CFAP92: variants seen among roughly 807,000 people sequenced by gnomAD.
CFAP92 encodes uncharacterized protein CFAP92.
In CFAP92, 86 loss-of-function variants were observed where a neutral mutation model predicts 106.3. That is an observed-to-expected ratio of 0.81 (90% confidence interval 0.68 to 0.97). The LOEUF (loss-of-function observed/expected upper bound fraction) is 0.97. Ranked by LOEUF, CFAP92 falls within the 50% of genes least tolerant of loss-of-function variation. The pLI, the probability that CFAP92 is intolerant of heterozygous loss-of-function variation, is 0.00. For synonymous variants in CFAP92, 477 were observed against 506.4 expected, an observed-to-expected ratio of 0.94 and a Z score of 0.78; for missense variants, 1,204 against 1,283.8, an observed-to-expected ratio of 0.94 and a Z score of 0.95.
intron 4 of CFAP92, among the ~76,000 whole-genome samples, chr3:128,982,674 G>A (rs1276370371): frequency 1.3e-5 from 2 of 152,180 alleles, no homozygotes; most frequent in African/African-American, 2.4e-5. Context: ...GACTTAAAGG[G>A]AGAGATGTGC....
chr3:129,006,767 T>A (rs914317519), upstream of CFAP92, among the ~76,000 whole-genome samples: 1 of 152,194 alleles, frequency 6.6e-6, no homozygotes, highest in African/African-American at 2.4e-5. Context: ...GTGTCACTAA[T>A]TTCTCTGCCC....
intron 15 of CFAP92, among the ~76,000 whole-genome samples, chr3:128,911,284 C>G (rs765553179): frequency 2.0e-5 from 3 of 152,160 alleles, no homozygotes; most frequent in Non-Finnish European, 4.4e-5. Flanking sequence ...TCTCCAACTC[C>G]TGACCTCAGG....
At chr3:128,951,694 A>G (rs946424906) in intron 9 of CFAP92, among the ~76,000 whole-genome samples, 8 of 152,164 alleles carry the variant, frequency 5.3e-5, no homozygotes, top group Non-Finnish European at 1.2e-4. Flanking sequence ...AAAGACGAAG[A>G]AAGGGACAAC....
rs113142874 is a variant in CFAP92, at chr3:129,000,486, A to G, written n.117+2088T>C. On this transcript the variant is annotated intron_variant and non_coding_transcript_variant, in intron 1 of 4. Transcript: ENST00000510149. The stretch of plus-strand genomic sequence containing the variant: ...AGATTCTGTCTCTGTCATAGCTAGG[A>G]ACAGCTGAAGAGTCTGCCTCTTGCT... 4.7e-3 allele frequency among the ~76,000 whole-genome samples: 721 copies of G among 152,330 alleles called. 4 individuals carry two copies. The highest frequency in any genetic ancestry group is 0.016 in the African/African-American group (674 of 41,572).
Position 128,932,710 on chromosome 3 carries a change from CTG to C in CFAP92, c.2739_2740del (p.His913GlnfsTer26), listed in dbSNP as rs1051878284. On this transcript the variant is annotated frameshift_variant, in exon 12 of 16. Coordinates refer to ENST00000645291, the MANE Select transcript of CFAP92 (RefSeq NM_001394090.1). LOFTEE classifies it high-confidence loss of function. ...AGGAAGGCGGCCCACCTGGATGAAA[CTG>C]TGCTTTTTGTCTTTGTTCTTCATAA... 11 of 1,532,072 alleles carry C rather than the reference CTG, an allele frequency of 7.2e-6. No individual in the cohort carries two copies. The highest frequency in any genetic ancestry group is 5.9e-5 in the Admixed American group (3 of 50,904). 94.9% of individuals were successfully genotyped at this position (1,532,072 alleles called of 1,614,324 possible).
chr3:128,973,341 G>C (rs1418732512), intron 7 of CFAP92, among the ~76,000 whole-genome samples: 1 of 152,154 alleles, frequency 6.6e-6, no homozygotes, highest in Non-Finnish European at 1.5e-5. Context: ...GCAATCCTCA[G>C]GACTGCAAGC....
intron 10 of CFAP92, among the ~76,000 whole-genome samples, chr3:128,939,427 T>C (rs779335352): frequency 2.6e-5 from 4 of 152,192 alleles, no homozygotes; most frequent in Non-Finnish European, 4.4e-5. Flanking sequence ...CGTGAGCCAC[T>C]GTGCCCAGCC....
upstream of CFAP92, among the ~76,000 whole-genome samples, chr3:129,005,646 T>C (rs1011561619): frequency 2.4e-4 from 36 of 152,192 alleles, 1 homozygote; most frequent in African/African-American, 8.4e-4. Context: ...TCCCTGATCC[T>C]GAGAGGAAGG....
At chr3:128,923,283 G>T (rs1937452232) in intron 12 of CFAP92, among the ~76,000 whole-genome samples, 1 of 152,202 alleles carries the variant, frequency 6.6e-6, no homozygotes, top group African/African-American at 2.4e-5. Context: ...ATGCGAAGAT[G>T]GAATGAGGAC....
At chr3:128,911,669 T>C (rs1331261240) in intron 15 of CFAP92, among the ~76,000 whole-genome samples, 1 of 139,946 alleles carries the variant, frequency 7.1e-6, no homozygotes, top group Non-Finnish European at 1.7e-5. Context: ...CTCCAACCCC[T>C]GACCTCAGGT....
intron 10 of CFAP92, among the ~76,000 whole-genome samples, chr3:128,936,284 A>G (rs1283585721): frequency 1.3e-5 from 2 of 152,220 alleles, no homozygotes; most frequent in African/African-American, 4.8e-5. Flanking sequence ...TCTTTTGTGA[A>G]GTATTGGTTT....
chr3:128,935,774 G>A (rs1938944743), intron 10 of CFAP92, among the ~76,000 whole-genome samples: 1 of 152,048 alleles, frequency 6.6e-6, no homozygotes, highest in Admixed American at 6.5e-5. Flanking sequence ...AGCCCTGATG[G>A]CACCACTGTA....
intron 8 of CFAP92, chr3:128,969,116 G>T (rs1423272194): frequency 1.3e-5 from 2 of 151,682 alleles, no homozygotes; most frequent in East Asian, 1.9e-4. Flanking sequence ...CCTTAAGAAG[G>T]TTTTTTTGTA....
At position 128,911,118 on chromosome 3, in the gene CFAP92, G is replaced by A. The variant is rs550964307; in HGVS notation, c.3281-785C>T. Among the ~76,000 whole-genome samples, 83 of 152,334 alleles carry A rather than the reference G, an allele frequency of 5.4e-4. 1 individual carries two copies. The highest frequency in any genetic ancestry group is 1.5e-3 in the African/African-American group (61 of 41,580). On this transcript the variant is annotated intron_variant, in intron 15 of 15. Transcript: ENST00000645291. ...GTTGCCCAAGCTGGAGTGTAATGGC[G>A]CAGTCTTGGCTCCCTGCAAACTCCA...
At chr3:128,999,282 C>T (rs1402395500) in intron 1 of CFAP92, among the ~76,000 whole-genome samples, 7 of 152,214 alleles carry the variant, frequency 4.6e-5, no homozygotes, top group Admixed American at 6.5e-5. Flanking sequence ...CCTGGTAACA[C>T]CGCAGGGCAG....
Position 128,910,236 on chromosome 3 carries a change from G to T in CFAP92, c.*63C>A, listed in dbSNP as rs571015299. The T allele has an allele frequency of 6.3e-7, 1 of 1,592,590 alleles. No homozygotes were observed. Among genetic ancestry groups the T allele is most frequent in the South Asian group, 1.1e-5 (1 of 89,132 alleles). On this transcript the variant is annotated 3_prime_UTR_variant, in exon 16 of 16. Coordinates refer to ENST00000645291, the MANE Select transcript of CFAP92 (RefSeq NM_001394090.1). ...TGAAGTTGATTGTTGAGGAGGGTGTGGTCGGGTGTGGGGGAGGCTGTGCAG... is the reference window on the plus strand; with the variant it reads ...TGAAGTTGATTGTTGAGGAGGGTGTTGTCGGGTGTGGGGGAGGCTGTGCAG...
At position 128,935,158 on chromosome 3, in the gene CFAP92, G is replaced by A. The variant is rs73210620; in HGVS notation, c.2420C>T (p.Thr807Ile). ...LQQAVFFLRD[T>I]ERRRVFQALA... ...AGCCTGGAAGACCCGCCTCCGCTCA[G>A]TGTCTCGCAGGAAGAACACCGCCTG... Residue 807 changes from threonine to isoleucine, a missense_variant, in exon 11 of 16, where the codon ACT (threonine) becomes ATT (isoleucine). Coordinates refer to ENST00000645291, the MANE Select transcript of CFAP92 (RefSeq NM_001394090.1). The A allele has an allele frequency of 2.6e-6, 4 of 1,534,986 alleles. No homozygotes were observed. The highest frequency in any genetic ancestry group is 2.7e-5 in the African/African-American group (2 of 73,048).
chr3:128,911,160 G>A (rs1194530940), intron 15 of CFAP92, among the ~76,000 whole-genome samples: 12 of 151,854 alleles, frequency 7.9e-5, no homozygotes, highest in African/African-American at 2.9e-4. Flanking sequence ...GGGTTCAAGC[G>A]ATTCTTCTGC....
At chr3:128,988,257 T>C (rs1943984840) in intron 3 of CFAP92, among the ~76,000 whole-genome samples, 2 of 152,118 alleles carry the variant, frequency 1.3e-5, no homozygotes, top group East Asian at 1.9e-4. Context: ...AAATAAAAAA[T>C]AGGCCAGGTG....
Sources: gnomAD v4.1 joint callset for allele counts (sites outside exome capture counted in the v4.1 genomes callset) on GRCh38, gnomAD v4.1.1 for gene constraint, MANE v1.5 for transcripts, NCBI Gene and HGNC (gene_info 2026-07-23, HGNC 2026-07-21) for gene names.